SWT1: variants seen among roughly 807,000 people sequenced by gnomAD.
SWT1 encodes the protein SWT1 RNA endoribonuclease homolog, also known as transcriptional protein SWT1.
A neutral mutation model predicts 107.3 loss-of-function variants in SWT1; 33 were observed. The observed-to-expected ratio is 0.31, with a 90% CI of 0.23 to 0.41. The LOEUF is 0.41. Ranked by LOEUF, SWT1 falls within the 10% of genes least tolerant of loss-of-function variation. The pLI is 1.00. For synonymous variants in SWT1, 345 were observed against 348.3 expected, an observed-to-expected ratio of 0.99 and a Z score of 0.11; for missense variants, 898 against 1,028.9, an observed-to-expected ratio of 0.87 and a Z score of 1.74.
chr1:185,290,563 A>AAT (rs937961616), intron 18 of SWT1, 111 bp from the exon 19 acceptor site: 32 of 675,628 alleles, frequency 4.7e-5, no homozygotes, highest in East Asian at 1.8e-4. Context: ...TGTTATACAT[A>AAT]ATATATATAT....
chr1:185,264,584 A>T (rs1311714861), intron 16 of SWT1: 18 of 377,088 alleles, frequency 4.8e-5, no homozygotes, highest in Non-Finnish European at 6.2e-5. Flanking sequence ...CCTGTGACAT[A>T]AGTACTATTG....
chr1:185,170,255 A>G (rs913541190), intron 4 of SWT1, among the ~76,000 whole-genome samples: 2 of 152,176 alleles, frequency 1.3e-5, no homozygotes, highest in South Asian at 4.1e-4. Context: ...CTTCTGCGTT[A>G]TTGTTCCAGT....
chr1:185,208,999 C>A (rs537633738), intron 13 of SWT1, among the ~76,000 whole-genome samples: 2 of 152,014 alleles, frequency 1.3e-5, no homozygotes, highest in African/African-American at 2.4e-5. Context: ...TTTTCAAGAA[C>A]GTCTTATCTG....
chr1:185,240,469 T>G (rs1357711582), intron 16 of SWT1, among the ~76,000 whole-genome samples: 1 of 152,056 alleles, frequency 6.6e-6, no homozygotes, highest in African/African-American at 2.4e-5. Context: ...GGACATGCTT[T>G]TATATTAAAA....
At chr1:185,164,683 C>T (rs564265959) in intron 2 of SWT1, among the ~76,000 whole-genome samples, 260 of 152,320 alleles carry the variant, frequency 1.7e-3, no homozygotes, top group African/African-American at 5.9e-3. Context: ...GAAGCTTCCT[C>T]ACATCTGTGA....
At chr1:185,164,713 G>A (rs970662175) in intron 2 of SWT1, among the ~76,000 whole-genome samples, 1 of 152,194 alleles carries the variant, frequency 6.6e-6, no homozygotes, top group Non-Finnish European at 1.5e-5. Context: ...GAATTGAAGA[G>A]AGTTAGGGCC....
chr1:185,221,796 C>T (rs1450618396), intron 14 of SWT1, 53 bp from the exon 15 acceptor site: 1 of 1,308,544 alleles, frequency 7.6e-7, no homozygotes, highest in Non-Finnish European at 1.0e-6. Context: ...CTCTCTTTTT[C>T]TCCTCTGCAA....
At chr1:185,277,437 C>T (rs1010542179) in intron 18 of SWT1, among the ~76,000 whole-genome samples, 1 of 152,064 alleles carries the variant, frequency 6.6e-6, no homozygotes, top group Non-Finnish European at 1.5e-5. Flanking sequence ...TATAGGCACC[C>T]ACCACCATGC....
At chr1:185,193,581 C>T (rs1449041699) in intron 10 of SWT1, among the ~76,000 whole-genome samples, 2 of 151,984 alleles carry the variant, frequency 1.3e-5, no homozygotes, top group Non-Finnish European at 2.9e-5. Context: ...ATTCTCCTGC[C>T]TTAGCCTCCC....
At chr1:185,175,742 G>C (rs1235365629) in intron 5 of SWT1, among the ~76,000 whole-genome samples, 12 of 152,044 alleles carry the variant, frequency 7.9e-5, no homozygotes, top group African/African-American at 1.2e-4. Flanking sequence ...ATTGTATGCT[G>C]GAGAACACTC....
intron 16 of SWT1, among the ~76,000 whole-genome samples, chr1:185,258,650 G>C (rs1662797209): frequency 6.6e-6 from 1 of 152,004 alleles, no homozygotes; most frequent in African/African-American, 2.4e-5. Context: ...ATTATCTTCT[G>C]TCCTCTTGGA....
chr1:185,268,577 G>C (rs1191834623), intron 16 of SWT1, among the ~76,000 whole-genome samples: 1 of 152,052 alleles, frequency 6.6e-6, no homozygotes, highest in Non-Finnish European at 1.5e-5. Context: ...GAGAATAAAG[G>C]GTCACTTGCT....
intron 10 of SWT1, among the ~76,000 whole-genome samples, chr1:185,191,862 A>G (rs553384960): frequency 1.2e-4 from 18 of 152,260 alleles, no homozygotes; most frequent in Non-Finnish European, 1.5e-4. Context: ...GGATTAACAG[A>G]TATACTATTT....
intron 4 of SWT1, among the ~76,000 whole-genome samples, chr1:185,173,343 T>G (rs1054806729): frequency 6.6e-6 from 1 of 152,038 alleles, no homozygotes; most frequent in Non-Finnish European, 1.5e-5. Flanking sequence ...TAGTCACATA[T>G]TATCAGTGTT....
At chr1:185,212,778 G>A (rs1658921348) in intron 13 of SWT1, among the ~76,000 whole-genome samples, 1 of 149,978 alleles carries the variant, frequency 6.7e-6, no homozygotes, top group Non-Finnish European at 1.5e-5. Context: ...ACTCCAGCCT[G>A]GGCAACAAGA....
At chr1:185,175,929 A>G (rs1285303386) in intron 5 of SWT1, among the ~76,000 whole-genome samples, 1 of 152,238 alleles carries the variant, frequency 6.6e-6, no homozygotes, top group African/African-American at 2.4e-5. Flanking sequence ...CTATCACTTA[A>G]TAAGAGAATA....
At chr1:185,248,468 T>C (rs761711773) in intron 16 of SWT1, among the ~76,000 whole-genome samples, 4 of 152,202 alleles carry the variant, frequency 2.6e-5, no homozygotes, top group African/African-American at 4.8e-5. Flanking sequence ...GTTCAGAAAT[T>C]TAGTATGTTA....
In SWT1 at chr1:185,204,881, A is replaced by G. The variant is rs1298253104; in HGVS notation, c.1833+18A>G. 2.0e-6 allele frequency: 3 copies of G among 1,485,872 alleles called. No homozygotes were observed. The highest frequency in any genetic ancestry group is 2.7e-6 in the Non-Finnish European group (3 of 1,114,014). The allele number at this position is 1,485,872 out of a possible 1,614,324, so 92.0% of individuals were successfully genotyped here. A position where few individuals can be genotyped will look rare whatever the true frequency, so the allele number is the denominator to read the frequency against. On this transcript the variant is annotated intron_variant, in intron 12 of 18. Transcript: ENST00000367500. ...GGATGGAGGTGATTAGTTGAACTCTATTAGTTGAAAATTTCTTTTTTATTG... is the reference window on the plus strand; with the variant it reads ...GGATGGAGGTGATTAGTTGAACTCTGTTAGTTGAAAATTTCTTTTTTATTG...
rs1019000367 is a variant in SWT1 at position 185,160,770 on chromosome 1, G to A, written c.-9-63G>A. ...TCCAATCTTTATATAACTGAAAGAA[G>A]ACAAATTTCTATTTTCTTTTTGAGT... is the stretch of plus-strand genomic sequence containing the variant. On this transcript the variant is annotated intron_variant, in intron 1 of 18. Coordinates refer to ENST00000367500, the MANE Select transcript of SWT1 (RefSeq NM_017673.7). The A allele has an allele frequency of 1.2e-5, 14 of 1,187,574 alleles. No individual in the cohort carries two copies. In the East Asian group the frequency reaches 2.4e-4, roughly 20 times the overall value. The allele number at this position is 1,187,574 out of a possible 1,614,324, so 73.6% of individuals were successfully genotyped here.
Sources: gnomAD v4.1 joint callset for allele counts (sites outside exome capture counted in the v4.1 genomes callset) on GRCh38, gnomAD v4.1.1 for gene constraint, MANE v1.5 for transcripts, NCBI Gene and HGNC (gene_info 2026-07-23, HGNC 2026-07-21) for gene names.